Variants in EPHA6 observed in about 807,000 individuals in gnomAD.
The protein encoded by EPHA6 is ephrin type-A receptor 6.
In EPHA6, 50 loss-of-function variants were observed where a neutral mutation model predicts 112.0. The observed-to-expected ratio is 0.45, with a 90% CI of 0.36 to 0.56. The LOEUF is 0.56. EPHA6 is among the 20% of genes least tolerant of loss of function. The pLI is 0.00. For synonymous variants in EPHA6, 529 were observed against 490.7 expected (o/e 1.08, Z -1.03); for missense variants, 1,280 against 1,417.4 (o/e 0.90, Z 1.56).
At chr3:97,552,688 G>A (rs993581673) in intron 11 of EPHA6, among the ~76,000 whole-genome samples, 7 of 152,122 alleles carry the variant, frequency 4.6e-5, no homozygotes, top group African/African-American at 7.2e-5. Flanking sequence ...AACCTCAGTG[G>A]TTAGCATTAA....
chr3:97,300,413 T>G (rs72924495), intron 5 of EPHA6, among the ~76,000 whole-genome samples: 8 of 152,284 alleles, frequency 5.3e-5, no homozygotes, highest in African/African-American at 1.9e-4. Context: ...GACTTTTTTG[T>G]AAGACAGTGC....
intron 14 of EPHA6, among the ~76,000 whole-genome samples, chr3:97,650,208 A>G (rs2094097709): frequency 1.3e-5 from 2 of 152,108 alleles, no homozygotes; most frequent in South Asian, 2.1e-4. Flanking sequence ...TGTGAACACC[A>G]TAAACATCAG....
intron 2 of EPHA6, among the ~76,000 whole-genome samples, chr3:96,944,240 C>G (rs938377567): frequency 6.6e-6 from 1 of 152,124 alleles, no homozygotes; most frequent in East Asian, 1.9e-4. Flanking sequence ...ATGTTAAACC[C>G]TCATCTTACA....
At chr3:97,454,770 ATTAC>A (rs1227501990) in intron 7 of EPHA6, among the ~76,000 whole-genome samples, 1 of 151,860 alleles carries the variant, frequency 6.6e-6, no homozygotes. Context: ...TACTGCTTCA[ATTAC>A]TTAGGATGAA....
intron 5 of EPHA6, among the ~76,000 whole-genome samples, chr3:97,375,002 C>T (rs552649715): frequency 7.9e-5 from 12 of 152,098 alleles, no homozygotes; most frequent in African/African-American, 1.2e-4. Flanking sequence ...ATGTGTCCAG[C>T]GCATGCTAGC....
At chr3:97,655,079 G>A (rs904945950) in intron 14 of EPHA6, among the ~76,000 whole-genome samples, 1 of 148,244 alleles carries the variant, frequency 6.7e-6, no homozygotes, top group Non-Finnish European at 1.5e-5. Flanking sequence ...TCAGCTTGGA[G>A]AAAATATATA....
At chr3:97,364,307 C>T (rs1176997967) in intron 5 of EPHA6, among the ~76,000 whole-genome samples, 1 of 149,854 alleles carries the variant, frequency 6.7e-6, no homozygotes, top group African/African-American at 2.4e-5. Flanking sequence ...ATGGTAGAAC[C>T]TGTTAGTGTT....
chr3:97,540,618 A>G (rs1169630976), intron 11 of EPHA6, among the ~76,000 whole-genome samples: 1 of 152,094 alleles, frequency 6.6e-6, no homozygotes, highest in Non-Finnish European at 1.5e-5. Flanking sequence ...CTGCCCCTAA[A>G]CTATGCTGCT....
At chr3:97,640,417 G>A (rs2093991043) in intron 14 of EPHA6, among the ~76,000 whole-genome samples, 1 of 152,134 alleles carries the variant, frequency 6.6e-6, no homozygotes, top group Non-Finnish European at 1.5e-5. Flanking sequence ...GCAACTAGGA[G>A]ACAGGCACTG....
At chr3:97,321,681 TA>T (rs1331661379) in intron 5 of EPHA6, among the ~76,000 whole-genome samples, 5 of 148,340 alleles carry the variant, frequency 3.4e-5, no homozygotes, top group East Asian at 2.0e-4. Flanking sequence ...TTACAGTGTG[TA>T]AAAAAAAAAT....
intron 2 of EPHA6, among the ~76,000 whole-genome samples, chr3:96,972,856 TA>T (rs1336805516): frequency 1.3e-5 from 2 of 152,206 alleles, no homozygotes; most frequent in African/African-American, 2.4e-5. Context: ...ATTTTGGAAA[TA>T]AAAGTTTATA....
intron 14 of EPHA6, among the ~76,000 whole-genome samples, chr3:97,645,563 C>A (rs1480177426): frequency 6.7e-6 from 1 of 149,172 alleles, no homozygotes; most frequent in Non-Finnish European, 1.5e-5. Flanking sequence ...ATACATAATG[C>A]TAGATGACGA....
chr3:97,231,092 T>C (rs2078511664), intron 4 of EPHA6, among the ~76,000 whole-genome samples: 1 of 152,178 alleles, frequency 6.6e-6, no homozygotes, highest in Admixed American at 6.5e-5. Context: ...GAGTGGCGTA[T>C]TCTGGTCTCC....
At chr3:96,975,112 A>C (rs1442713575) in intron 2 of EPHA6, among the ~76,000 whole-genome samples, 1 of 152,060 alleles carries the variant, frequency 6.6e-6, no homozygotes, top group African/African-American at 2.4e-5. Context: ...TAGTTTGAAT[A>C]ATTCCTGTGG....
intron 5 of EPHA6, among the ~76,000 whole-genome samples, chr3:97,350,659 G>A (rs1415326841): frequency 1.3e-5 from 2 of 151,952 alleles, no homozygotes; most frequent in African/African-American, 4.8e-5. Context: ...TAATCAAGTG[G>A]GACAGTGTCA....
intron 14 of EPHA6, among the ~76,000 whole-genome samples, chr3:97,640,462 A>G (rs1488837221): frequency 3.3e-5 from 5 of 152,200 alleles, no homozygotes; most frequent in Non-Finnish European, 5.9e-5. Flanking sequence ...ACATAGACGC[A>G]TGTCTTAGAA....
chr3:97,340,705 C>T (rs1449475981), intron 5 of EPHA6, among the ~76,000 whole-genome samples: 1 of 152,150 alleles, frequency 6.6e-6, no homozygotes, highest in Non-Finnish European at 1.5e-5. Context: ...GCCTCTCTTT[C>T]CTGACTTGTA....
intron 11 of EPHA6, among the ~76,000 whole-genome samples, chr3:97,579,561 C>T (rs149734280): frequency 1.3e-5 from 2 of 152,180 alleles, no homozygotes; most frequent in African/African-American, 4.8e-5. Flanking sequence ...CCTCATTCTC[C>T]ATTGACCCTA....
intron 3 of EPHA6, among the ~76,000 whole-genome samples, chr3:97,028,293 C>T (rs1056439047): frequency 2.6e-5 from 4 of 151,992 alleles, no homozygotes. Flanking sequence ...TCCCCATTTG[C>T]AAGATGAAGA....
Sources: allele counts gnomAD v4.1 joint callset (sites outside exome capture counted in the v4.1 genomes callset), GRCh38; gene constraint gnomAD v4.1.1; transcripts MANE v1.5; gene names NCBI Gene and HGNC (gene_info 2026-07-23, HGNC 2026-07-21).